The following AKR1C2 variants were observed in gnomAD, a reference collection of about 807,000 sequenced individuals.
AKR1C2 encodes aldo-keto reductase family 1 member C2.
AKR1C2 carries 27 observed loss-of-function variants against 39.8 expected under a neutral mutation model. The observed-to-expected ratio is 0.68, with a 90% confidence interval of 0.50 to 0.93. AKR1C2 has a LOEUF of 0.93. AKR1C2 is among the 40% of genes least tolerant of loss of function. The pLI, the probability that AKR1C2 is intolerant of heterozygous loss-of-function variation, is 0.00. For synonymous variants in AKR1C2, 114 were observed against 137.9 expected (o/e 0.83, Z 1.22); for missense variants, 263 against 365.1 (o/e 0.72, Z 2.28).
chr10:5,013,444 A>AG (rs1837564537), intron 1 of AKR1C2: 1 of 160,476 alleles, frequency 6.2e-6, no homozygotes, highest in Non-Finnish European at 1.4e-5. Flanking sequence ...AATGTAAGGA[A>AG]GTATGTGAAG....
At chr10:5,007,858 G>A (rs1554774566), upstream of AKR1C2, among the ~76,000 whole-genome samples, 1 of 151,700 alleles carries the variant, frequency 6.6e-6, no homozygotes, top group African/African-American at 2.4e-5. Context: ...ATTTCAAAAG[G>A]GAAATGTCAG....
intron 1 of AKR1C2, among the ~76,000 whole-genome samples, chr10:5,013,089 G>A (rs1488016473): frequency 3.3e-5 from 5 of 152,052 alleles, no homozygotes; most frequent in Admixed American, 2.6e-4. Flanking sequence ...TAACTAATGA[G>A]TACTAGGCTT....
At chr10:5,014,703 T>C (rs564534170) in intron 1 of AKR1C2, among the ~76,000 whole-genome samples, 2 of 152,318 alleles carry the variant, frequency 1.3e-5, no homozygotes, top group East Asian at 3.9e-4. Flanking sequence ...TCCCTCTAGC[T>C]AGATTGGAAT....
intron 7 of AKR1C2, among the ~76,000 whole-genome samples, chr10:4,994,744 C>T (rs1208926591): frequency 1.8e-4 from 27 of 148,430 alleles, no homozygotes; most frequent in African/African-American, 4.5e-4. Context: ...TAGGCTGAGC[C>T]CAGGCTAATT....
At position 4,988,056 on chromosome 10, in the gene AKR1C2, G is replaced by A. The variant is rs1446832852; in HGVS notation, c.*1940C>T. 4.0e-5 allele frequency: 6 copies of A among 151,816 alleles called. No individual in the cohort carries two copies. Among genetic ancestry groups the A allele is most frequent in the African/African-American group, 1.5e-4 (6 of 41,294 alleles). The allele number at this position is 151,816 out of a possible 1,614,324, so 9.4% of individuals were successfully genotyped here. A position where few individuals can be genotyped will look rare whatever the true frequency, so the allele number is the denominator to read the frequency against. On this transcript the variant is annotated 3_prime_UTR_variant, in exon 9 of 9. Transcript: ENST00000380753. ...TTATAAAAATGGATGGTGAAGAACT[G>A]GAAAAAGCCCACAGCAGCCGTACTA...
At chr10:4,999,734 G>C (rs544458172) in intron 3 of AKR1C2, 2 of 194,498 alleles carry the variant, frequency 1.0e-5, no homozygotes, top group Non-Finnish European at 1.9e-5. Context: ...CGTTTTCCAG[G>C]CTAGTTTGGA....
At chr10:5,000,426 G>T in intron 3 of AKR1C2, 124 bp downstream of exon 3, 3 of 1,588,054 alleles carry the variant, frequency 1.9e-6, no homozygotes, top group Non-Finnish European at 2.6e-6. Flanking sequence ...GTTATGTTTA[G>T]GGCTCTTCTT....
chr10:5,015,245 C>T (rs1346822620), intron 1 of AKR1C2: 2 of 152,222 alleles, frequency 1.3e-5, no homozygotes, highest in African/African-American at 4.8e-5. Context: ...CTATGGTGCA[C>T]ATTGCAGTGT....
intron 1 of AKR1C2, among the ~76,000 whole-genome samples, chr10:5,009,950 T>A (rs1447271500): frequency 7.0e-6 from 1 of 142,954 alleles, no homozygotes. Context: ...CGGCTCCCCA[T>A]CCATCTTGCT....
rs546972798 is a variant in AKR1C2 at position 5,016,814 on chromosome 10, C to T, written c.-88+1086G>A. Reference sequence around the variant, plus strand: ...CCCTTGCAGCAGGCTTCTGCCTGGACGTCCATGCATTTTTATACATTCTCT... The same window carrying T: ...CCCTTGCAGCAGGCTTCTGCCTGGATGTCCATGCATTTTTATACATTCTCT... On this transcript the variant is annotated intron_variant, in intron 1 of 6. Coordinates refer to the AKR1C2 transcript ENST00000604507. Among the ~76,000 whole-genome samples, 386 of 152,344 alleles carry T rather than the reference C, an allele frequency of 2.5e-3. 2 individuals are homozygous for T. Among genetic ancestry groups the T allele is most frequent in the Non-Finnish European group, 4.7e-3 (322 of 68,030 alleles).
At chr10:5,008,007 G>A (rs1171042522), upstream of AKR1C2, among the ~76,000 whole-genome samples, 5 of 151,358 alleles carry the variant, frequency 3.3e-5, no homozygotes, top group South Asian at 2.1e-4. Context: ...AGGCTTCTGG[G>A]GGCTTTGGGA....
At chr10:4,990,099 C>A (rs371684328) in intron 8 of AKR1C2, 61 bp from the exon 9 acceptor site, 18 of 1,600,206 alleles carry the variant, frequency 1.1e-5, no homozygotes, top group African/African-American at 1.1e-4. Flanking sequence ...TAGCCCGTAG[C>A]GCAGTGATTT....
At chr10:4,992,387 C>G (rs1836870125) in intron 7 of AKR1C2, among the ~76,000 whole-genome samples, 1 of 152,168 alleles carries the variant, frequency 6.6e-6, no homozygotes, top group South Asian at 2.1e-4. Context: ...ATTTCACATT[C>G]AAAAGGTGTG....
chr10:4,990,294 G>A (rs554153064), intron 8 of AKR1C2, among the ~76,000 whole-genome samples: 2 of 152,226 alleles, frequency 1.3e-5, no homozygotes, highest in South Asian at 2.1e-4. Flanking sequence ...GTTCAAACAT[G>A]TTTCTCTACA....
upstream of AKR1C2, among the ~76,000 whole-genome samples, chr10:5,005,608 A>C (rs1564334409): frequency 6.6e-6 from 1 of 152,116 alleles, no homozygotes; most frequent in Non-Finnish European, 1.5e-5. Flanking sequence ...GCTTGAACCC[A>C]GGAGGCAGAG....
Position 4,994,823 on chromosome 10 carries a change from T to G in AKR1C2, c.846+496A>C, listed in dbSNP as rs1264865852. On this transcript the variant is annotated intron_variant, in intron 7 of 8. Coordinates refer to ENST00000380753, the MANE Select transcript of AKR1C2 (RefSeq NM_001393392.1). ...AGCCTCTATATTAAGTGGGTTTGTC[T>G]TATATCCTAAGGTATTGGTATAAAT... Among the ~76,000 whole-genome samples the G allele has an allele frequency of 2.7e-5, 4 of 145,630 alleles. No individual in the cohort carries two copies. In the Admixed American group the frequency reaches 2.8e-4, roughly 10 times the overall value.
chr10:5,015,126 A>T (rs1442329642), intron 1 of AKR1C2: 2 of 152,150 alleles, frequency 1.3e-5, no homozygotes, highest in South Asian at 2.1e-4. Context: ...AAGACTCTTG[A>T]TCTATAACCA....
At chr10:4,994,914 C>A (rs1836978668) in intron 7 of AKR1C2, among the ~76,000 whole-genome samples, 1 of 141,262 alleles carries the variant, frequency 7.1e-6, no homozygotes, top group Non-Finnish European at 1.5e-5. Flanking sequence ...CAGAGTTAAA[C>A]AAGCACTTCG....
intron 2 of AKR1C2, among the ~76,000 whole-genome samples, chr10:5,000,874 A>G (rs1225259543): frequency 1.3e-5 from 2 of 152,228 alleles, no homozygotes; most frequent in Non-Finnish European, 2.9e-5. Context: ...CATATATTGA[A>G]TGAAAGAGTG....
Sources: gnomAD v4.1 joint callset for allele counts (sites outside exome capture counted in the v4.1 genomes callset) on GRCh38, gnomAD v4.1.1 for gene constraint, MANE v1.5 for transcripts, NCBI Gene and HGNC (gene_info 2026-07-23, HGNC 2026-07-21) for gene names.